TENM1: variants seen among roughly 807,000 people sequenced by gnomAD.
TENM1 encodes teneurin transmembrane protein 1.
A neutral mutation model predicts 174.8 loss-of-function variants in TENM1; 35 were observed. That is an observed-to-expected ratio of 0.20 (90% CI 0.15 to 0.27). The LOEUF is 0.27. Among genes scored for constraint, TENM1 ranks in the 10% least tolerant of loss-of-function variants. The probability of loss-of-function intolerance (pLI) is 1.00; values close to 1 mark genes in which losing one functional copy is unlikely to be tolerated. For synonymous variants in TENM1, 781 were observed against 798.7 expected (o/e 0.98, Z 0.37); for missense variants, 1,633 against 2,130.1 (o/e 0.77, Z 4.59).
the TENM1 span, among the ~76,000 whole-genome samples, chrX:125,186,017 C>A: frequency 2.7e-5 from 3 of 111,162 alleles, no homozygotes. Context: ...CTCAACTGAA[C>A]ACTATTCAAT....
intron 3 of TENM1, among the ~76,000 whole-genome samples, chrX:124,805,634 G>T (rs2055574996): frequency 8.9e-6 from 1 of 112,266 alleles, no homozygotes; most frequent in Admixed American, 9.3e-5. Context: ...TCAGTGGCAA[G>T]CAGGCCTCAG....
intron 3 of TENM1, among the ~76,000 whole-genome samples, chrX:124,762,573 T>C (rs768293918): frequency 3.9e-4 from 44 of 111,707 alleles, no homozygotes; most frequent in African/African-American, 1.1e-3. Context: ...AGGTCAGGTC[T>C]CAGACATTCT....
At chrX:124,382,308 T>C (rs2060166776) in intron 31 of TENM1, among the ~76,000 whole-genome samples, 1 of 111,705 alleles carries the variant, frequency 9.0e-6, no homozygotes, top group African/African-American at 3.3e-5. Flanking sequence ...CCCTAAATTA[T>C]TTTACAGTTG....
intron 3 of TENM1, among the ~76,000 whole-genome samples, chrX:124,793,715 C>T (rs1403821486): frequency 9.0e-6 from 1 of 111,121 alleles, no homozygotes; most frequent in Non-Finnish European, 1.9e-5. Flanking sequence ...CAGAGAACTA[C>T]ATGAGTTAGT....
At chrX:124,993,036 C>T in the TENM1 span, among the ~76,000 whole-genome samples, 1 of 110,853 alleles carries the variant, frequency 9.0e-6, no homozygotes, top group African/African-American at 3.3e-5. Flanking sequence ...TGCTCATAAC[C>T]AGTGTAAGCT....
chrX:125,119,686 C>G, the TENM1 span, among the ~76,000 whole-genome samples: 1 of 110,969 alleles, frequency 9.0e-6, no homozygotes, highest in South Asian at 3.8e-4. Context: ...TACTAAATCT[C>G]TCTGCTTCAA....
Position 124,481,695 on chromosome X carries a change from G to GTGTATATATATA in TENM1, c.3949+36_3949+37insTATATATATACA, listed in dbSNP as rs1556647047. 276 of 263,422 alleles carry GTGTATATATATA rather than the reference G, an allele frequency of 1.0e-3. 2 individuals are homozygous for GTGTATATATATA. The highest frequency in any genetic ancestry group is 1.3e-3 in the Non-Finnish European group (217 of 162,444). 21.7% of individuals were successfully genotyped at this position (263,422 alleles called of 1,213,427 possible). ...AATAAAATCTTTAGATGACCCAAGG[G>GTGTATATATATA]TATATATATATATATATTTATTTAT... is the stretch of plus-strand genomic sequence containing the variant. On this transcript the variant is annotated intron_variant, in intron 22 of 31. Coordinates refer to ENST00000422452, the Ensembl canonical transcript of TENM1.
At chrX:124,606,677 A>G (rs1160618106) in intron 11 of TENM1, among the ~76,000 whole-genome samples, 3 of 111,487 alleles carry the variant, frequency 2.7e-5, no homozygotes, top group Non-Finnish European at 5.7e-5. Context: ...TAAGCTGCAG[A>G]AGTCACTAGG....
chrX:124,964,346 T>C (rs2058698838), upstream of TENM1, among the ~76,000 whole-genome samples: 2 of 111,641 alleles, frequency 1.8e-5, no homozygotes, highest in Non-Finnish European at 3.8e-5. Context: ...TGGAATAAAG[T>C]ATCCTTGAGG....
chrX:125,049,937 T>A, the TENM1 span, among the ~76,000 whole-genome samples: 2 of 110,104 alleles, frequency 1.8e-5, no homozygotes, highest in Non-Finnish European at 3.8e-5. Context: ...TTTGTAAATA[T>A]TTTTTTCCAT....
chrX:125,146,394 C>A, the TENM1 span, among the ~76,000 whole-genome samples: 2 of 111,495 alleles, frequency 1.8e-5, no homozygotes, highest in Non-Finnish European at 3.8e-5. Flanking sequence ...ACAATTTGGT[C>A]ATTTCCTCCT....
chrX:124,578,904 G>A (rs1569319174), intron 11 of TENM1, among the ~76,000 whole-genome samples: 3 of 111,682 alleles, frequency 2.7e-5, no homozygotes, highest in Non-Finnish European at 5.6e-5. Flanking sequence ...CTATATTTAC[G>A]CAGCCATATT....
At chrX:124,754,309 T>C (rs940070584) in intron 3 of TENM1, among the ~76,000 whole-genome samples, 4 of 111,835 alleles carry the variant, frequency 3.6e-5, no homozygotes, top group Non-Finnish European at 7.5e-5. Flanking sequence ...TGGTAGTTTG[T>C]ATTTCTGTGG....
intron 4 of TENM1, among the ~76,000 whole-genome samples, chrX:124,734,261 C>A (rs781560819): frequency 6.3e-5 from 7 of 110,990 alleles, no homozygotes; most frequent in African/African-American, 2.3e-4. Context: ...ACCAGTCTAG[C>A]CAATATGGTG....
chrX:124,445,387 T>C (rs1389197144), intron 23 of TENM1, among the ~76,000 whole-genome samples: 1 of 112,006 alleles, frequency 8.9e-6, no homozygotes, highest in African/African-American at 3.2e-5. Flanking sequence ...CAGAATATTC[T>C]GGAGAGGAGT....
chrX:124,543,357 G>A (rs945465812), intron 15 of TENM1, among the ~76,000 whole-genome samples: 9 of 112,370 alleles, frequency 8.0e-5, no homozygotes, highest in East Asian at 5.6e-4. Flanking sequence ...ACGGATTGAC[G>A]TGAGGATCAG....
At chrX:125,019,840 A>T in the TENM1 span, among the ~76,000 whole-genome samples, 1 of 111,475 alleles carries the variant, frequency 9.0e-6, no homozygotes, top group African/African-American at 3.2e-5. Context: ...TTCAATGGAT[A>T]ATTATAATAT....
chrX:125,066,846 C>T, the TENM1 span, among the ~76,000 whole-genome samples: 10 of 111,515 alleles, frequency 9.0e-5, no homozygotes, highest in Admixed American at 1.9e-4. Flanking sequence ...AATTGCTTCA[C>T]ACGTTGCCTT....
intron 1 of TENM1, among the ~76,000 whole-genome samples, chrX:124,952,101 C>T (rs1177300019): frequency 9.0e-6 from 1 of 111,090 alleles, no homozygotes; most frequent in East Asian, 2.8e-4. Flanking sequence ...CAACCACTAG[C>T]ACTTGACAAG....
Sources: gnomAD v4.1 joint callset for allele counts (sites outside exome capture counted in the v4.1 genomes callset) on GRCh38, gnomAD v4.1.1 for gene constraint, MANE v1.5 for transcripts, NCBI Gene and HGNC (gene_info 2026-07-23, HGNC 2026-07-21) for gene names.